The following E2F8 variants were observed in gnomAD, a reference collection of about 807,000 sequenced individuals.
E2F8 encodes E2F transcription factor 8, also known as transcription factor E2F8.
In E2F8, 35 loss-of-function variants were observed where a neutral mutation model predicts 80.8. The observed-to-expected ratio is 0.43, with a 90% CI of 0.33 to 0.57. The LOEUF is 0.57. E2F8 is among the 20% of genes least tolerant of loss of function. E2F8 has a pLI of 0.04. For synonymous variants in E2F8, 386 were observed against 395.0 expected, an observed-to-expected ratio of 0.98 and a Z score of 0.27; for missense variants, 975 against 1,056.2, an observed-to-expected ratio of 0.92 and a Z score of 1.07.
Position 19,234,341 on chromosome 11 carries a change from T to A in E2F8, c.928+19A>T. ...GTTTAAGAATAGGTTCAAAAATCCA[T>A]GGCAGTCATGACACTTACTTTTAAA... is the stretch of plus-strand genomic sequence containing the variant. On this transcript the variant is annotated intron_variant, in intron 6 of 12. Transcript: ENST00000250024. 1 of 1,611,280 alleles carries A rather than the reference T, an allele frequency of 6.2e-7. No individual in the cohort carries two copies. The highest frequency in any genetic ancestry group is 8.5e-7 in the Non-Finnish European group (1 of 1,179,032).
At chr11:19,240,302 C>T in intron 1 of E2F8, 72 bp from the exon 2 acceptor site, 1 of 381,230 alleles carries the variant, frequency 2.6e-6, no homozygotes, top group Non-Finnish European at 4.8e-6. Flanking sequence ...AATTCCTTCA[C>T]GGACAAGAGG....
intron 7 of E2F8, among the ~76,000 whole-genome samples, chr11:19,231,167 G>T (rs1280317864): frequency 6.6e-6 from 1 of 152,130 alleles, no homozygotes; most frequent in Non-Finnish European, 1.5e-5. Flanking sequence ...ATGAAATATG[G>T]GTGATCCTCA....
At position 19,225,550 on chromosome 11, in the gene E2F8, A is replaced by G; in HGVS notation, c.2092T>C (p.Leu698=). 1 of 1,614,242 alleles carries G rather than the reference A, an allele frequency of 6.2e-7. No homozygotes were observed. Among genetic ancestry groups the G allele is most frequent in the Admixed American group, 1.7e-5 (1 of 60,032 alleles). ...GAAGTTGGTGAGACCATTAGCTTCAACGGTGTTACATGAAAAGAGGGAAAA... is the reference window on the plus strand; with the variant it reads ...GAAGTTGGTGAGACCATTAGCTTCAGCGGTGTTACATGAAAAGAGGGAAAA... ...VNFPSFHVTP[L]KLMVSPTSVA... The change falls in exon 12 of 13, where the codon TTG becomes CTG. Residue 698 remains leucine, a synonymous_variant. Transcript: ENST00000250024.
At chr11:19,239,300 C>A (rs1025294899) in intron 2 of E2F8, among the ~76,000 whole-genome samples, 1 of 152,162 alleles carries the variant, frequency 6.6e-6, no homozygotes, top group African/African-American at 2.4e-5. Context: ...ACATGGAAGT[C>A]AGTATGGTGG....
chr11:19,225,662 C>T (rs1851217661), intron 11 of E2F8, 47 bp from the exon 12 acceptor site: 1 of 1,609,172 alleles, frequency 6.2e-7, no homozygotes, highest in Non-Finnish European at 8.5e-7. Context: ...GGCATTTATC[C>T]AAGAAGTTGA....
intron 2 of E2F8, 36 bp from the exon 3 acceptor site, chr11:19,238,168 A>G (rs1208044336): frequency 6.4e-7 from 1 of 1,568,028 alleles, no homozygotes; most frequent in Non-Finnish European, 8.6e-7. Context: ...AATCCATGGT[A>G]AAACAGGATT....
Position 19,225,457 on chromosome 11 carries a change from G to A in E2F8, c.2185C>T (p.Pro729Ser), listed in dbSNP as rs755159321. The change falls in exon 12 of 13, where the codon CCA (proline) becomes TCA (serine). Residue 729 changes from proline to serine, a missense_variant. Transcript: ENST00000250024. ...ASSHPVPIQNPSSAIVNFTLQ... is the reference protein window; with the variant it reads ...ASSHPVPIQNSSSAIVNFTLQ... ...GTGAAGTTTACAATGGCTGAGCTTG[G>A]GTTCTGGATGGGAACAGGGTGGCTT... 1.2e-6 allele frequency: 2 copies of A among 1,614,232 alleles called. No individual in the cohort carries two copies. The highest frequency in any genetic ancestry group is 1.7e-6 in the Non-Finnish European group (2 of 1,180,048).
In E2F8 at chr11:19,229,901, C is replaced by G. The variant is rs1851330958; in HGVS notation, c.1446G>C (p.Glu482Asp). 6.2e-7 allele frequency: 1 copy of G among 1,614,102 alleles called. No homozygotes were observed. Among genetic ancestry groups the G allele is most frequent in the Admixed American group, 1.7e-5 (1 of 60,020 alleles). The change falls in exon 10 of 13, where the codon GAG (glutamate) becomes GAC (aspartate). Residue 482 changes from glutamate (E) to aspartate (D), a missense_variant. By Grantham distance (45) the Glu-to-Asp change is conservative. Transcript: ENST00000250024. The surrounding 1 kb of genome is among the most constrained non-coding windows in gnomAD (Gnocchi z 4.3). Reference protein sequence around the residue: ...VAPLDPPVNAEMELTAPSLIQ... With the variant: ...VAPLDPPVNADMELTAPSLIQ... ...TGAGGGACGGTGCTGTCAGCTCCATCTCAGCATTCACTGGGGGGTCCAGAG... is the reference window on the plus strand; with the variant it reads ...TGAGGGACGGTGCTGTCAGCTCCATGTCAGCATTCACTGGGGGGTCCAGAG...
rs559613235 is a variant in E2F8 at position 19,238,454 on chromosome 11, G to A, written c.16-322C>T. 2.6e-3 allele frequency among the ~76,000 whole-genome samples: 400 copies of A among 152,358 alleles called. 2 individuals carry two copies. The highest frequency in any genetic ancestry group is 4.0e-3 in the Non-Finnish European group (272 of 68,036). ...ATAGTTTTAGATTTAGAGAAGAGAA[G>A]CAAAGACAGTATAGAGTTCCCAAAT... On this transcript the variant is annotated intron_variant, in intron 2 of 12. Coordinates refer to ENST00000250024, the MANE Select transcript of E2F8 (RefSeq NM_024680.4).
Position 19,227,363 on chromosome 11 carries a change from G to T in E2F8, c.1894-1499C>A, listed in dbSNP as rs187433134. ...ATTTAGGTGCTTTATGAAGACCTGC[G>T]CTCTATTAGCTTTAGTTATATTCTC... is the stretch of plus-strand genomic sequence containing the variant. On this transcript the variant is annotated intron_variant, in intron 10 of 12. Coordinates refer to ENST00000250024, the MANE Select transcript of E2F8 (RefSeq NM_024680.4). Among the ~76,000 whole-genome samples the T allele has an allele frequency of 3.0e-3, 453 of 152,208 alleles. 5 individuals carry two copies. Among genetic ancestry groups the T allele is most frequent in the Middle Eastern group, 6.8e-3 (2 of 294 alleles).
At chr11:19,237,739 A>T in intron 3 of E2F8, 115 bp downstream of exon 3, 1 of 1,372,176 alleles carries the variant, frequency 7.3e-7, no homozygotes, top group Non-Finnish European at 9.9e-7. Context: ...GAAGGAAGTT[A>T]ATAACAGCCT....
intron 2 of E2F8, 57 bp from the exon 3 acceptor site, chr11:19,238,189 C>T: frequency 6.6e-7 from 1 of 1,516,046 alleles, no homozygotes; most frequent in Non-Finnish European, 8.9e-7. Context: ...TATCAGACAG[C>T]TTGGATTCTA....
chr11:19,241,226 G>C (rs1048275248), upstream of E2F8, among the ~76,000 whole-genome samples: 1 of 152,172 alleles, frequency 6.6e-6, no homozygotes. The surrounding 1 kb of genome is among the most constrained non-coding windows in gnomAD (Gnocchi z 4.5). Context: ...CGGAACCACG[G>C]CAACCCCGCC....
chr11:19,237,514 C>A, intron 3 of E2F8, 44 bp from the exon 4 acceptor site: 1 of 1,584,718 alleles, frequency 6.3e-7, no homozygotes, highest in South Asian at 1.1e-5. Context: ...AAAATAAAGT[C>A]TGACAGATTT....
rs116325271 is a variant in E2F8 at position 19,231,736 on chromosome 11, C to T, written c.1066+498G>A. 2.9e-3 allele frequency among the ~76,000 whole-genome samples: 445 copies of T among 152,268 alleles called. 6 individuals carry two copies. Among genetic ancestry groups the T allele is most frequent in the African/African-American group, 0.01 (422 of 41,546 alleles). On this transcript the variant is annotated intron_variant, in intron 7 of 12. Transcript: ENST00000250024. ...ATGCTTTGTGGTGCTTTCAACTTTC[C>T]GAATGCTTTCACATACAGATTGTAC...
At chr11:19,230,490 CATTA>C (rs1851349536) in intron 8 of E2F8, 137 bp downstream of exon 8, 1 of 1,203,178 alleles carries the variant, frequency 8.3e-7, no homozygotes, top group African/African-American at 1.5e-5. Context: ...TAAATTTATA[CATTA>C]GTTAGGCTTC....
rs781376982 is a variant in E2F8, at chr11:19,225,615, C to T, written c.2027G>A (p.Gly676Asp). The T allele has an allele frequency of 3.7e-6, 6 of 1,612,438 alleles. No individual in the cohort carries two copies. In the South Asian group the frequency reaches 5.5e-5, roughly 15 times the overall value. ...TTCAGATGATGTCACTGGAATAACA[C>T]CTGGAAGGAAAAGGGGGAAGATATC... ...NHRIYSSPIA[G>D]VIPVTSSELT... is the part of the protein sequence containing the mutation. Residue 676 changes from glycine (G) to aspartate (D), a missense_variant and splice_region_variant, in exon 12 of 13, where the codon GGT becomes GAT. Physicochemically the swap from Gly to Asp is moderately conservative, Grantham distance 94. Transcript: ENST00000250024.
Position 19,225,544 on chromosome 11 carries a change from G to C in E2F8, c.2098C>G (p.Leu700Val). 6.2e-7 allele frequency: 1 copy of C among 1,614,210 alleles called. No individual in the cohort carries two copies. Among genetic ancestry groups the C allele is most frequent in the Non-Finnish European group, 8.5e-7 (1 of 1,180,036 alleles). The change falls in exon 12 of 13, where the codon CTA (leucine) becomes GTA (valine). Residue 700 changes from leucine to valine, a missense_variant. Coordinates refer to ENST00000250024, the MANE Select transcript of E2F8 (RefSeq NM_024680.4). ...GCCACGGAAGTTGGTGAGACCATTA[G>C]CTTCAACGGTGTTACATGAAAAGAG... The part of the protein sequence containing the change: ...FPSFHVTPLK[L>V]MVSPTSVAAV...
At chr11:19,235,462 C>A (rs1316113746) in intron 4 of E2F8, among the ~76,000 whole-genome samples, 1 of 152,194 alleles carries the variant, frequency 6.6e-6, no homozygotes, top group African/African-American at 2.4e-5. Flanking sequence ...TCCTGGCTAA[C>A]ATGGTGAAAC....
Sources: gnomAD v4.1 joint callset for allele counts (sites outside exome capture counted in the v4.1 genomes callset) on GRCh38, gnomAD v4.1.1 for gene constraint, Gnocchi (gnomAD v3.1) non-coding constraint, MANE v1.5 for transcripts, NCBI Gene and HGNC (gene_info 2026-07-23, HGNC 2026-07-21) for gene names.